Variants in KLHL2 observed in about 807,000 individuals in gnomAD.
The protein encoded by KLHL2 is kelch-like protein 2.
Under a neutral mutation model 75.8 loss-of-function variants are expected in KLHL2, and 15 were observed. The ratio of observed to expected loss-of-function variants is 0.20; its 90% CI spans 0.13 to 0.30. KLHL2 has a LOEUF of 0.30. Ranked by LOEUF, KLHL2 falls within the 10% of genes least tolerant of loss-of-function variation. KLHL2 has a pLI of 1.00. For synonymous variants in KLHL2, 214 were observed against 251.9 expected, an observed-to-expected ratio of 0.85 and a Z score of 1.42; for missense variants, 381 against 741.0, an observed-to-expected ratio of 0.51 and a Z score of 5.64.
chr4:165,322,109 C>T lies in KLHL2; in HGVS notation c.*49C>T. On this transcript the variant is annotated 3_prime_UTR_variant, in exon 15 of 15. Transcript: ENST00000226725. ...TTTATACATGAGAAACAGCCTTCAACAAGTATTTGTGAAGTGACTGAGAAT... is the reference window on the plus strand; with the variant it reads ...TTTATACATGAGAAACAGCCTTCAATAAGTATTTGTGAAGTGACTGAGAAT... 3 of 1,530,780 alleles carry T rather than the reference C, an allele frequency of 2.0e-6. No individual in the cohort carries two copies. The highest frequency in any genetic ancestry group is 2.7e-6 in the Non-Finnish European group (3 of 1,104,326). 94.8% of individuals were successfully genotyped at this position (1,530,780 alleles called of 1,614,324 possible). A position where few individuals can be genotyped will look rare whatever the true frequency, so the allele number is the denominator to read the frequency against.
At chr4:165,228,144 CATCT>C (rs1221743976) in intron 2 of KLHL2, among the ~76,000 whole-genome samples, 1 of 152,252 alleles carries the variant, frequency 6.6e-6, no homozygotes, top group Admixed American at 6.5e-5. Flanking sequence ...GTGATCCATC[CATCT>C]ACCTTGGCCT....
chr4:165,263,900 G>A lies in KLHL2; in HGVS notation c.544+541G>A, dbSNP rs1395054289. Among the ~76,000 whole-genome samples the A allele has an allele frequency of 2.8e-5, 4 of 143,516 alleles. No homozygotes were observed. In the Admixed American group the frequency reaches 3.0e-4, roughly 11 times the overall value. 94.2% of individuals were successfully genotyped at this position (143,516 alleles called of 152,430 possible). ...GTGAAATATAGATACATTTGGTGGA[G>A]TAGAAAAGTAGACCAATAGAAGCAG... On this transcript the variant is annotated intron_variant, in intron 5 of 14. Transcript: ENST00000226725.
At chr4:165,311,404 A>G (rs951738043) in intron 10 of KLHL2, 60 bp from the exon 11 acceptor site, 2 of 1,182,040 alleles carry the variant, frequency 1.7e-6, no homozygotes, top group Non-Finnish European at 2.5e-6. Context: ...ATTTTTCCAT[A>G]TATATGAACT....
chr4:165,281,919 C>A (rs1743724637), intron 5 of KLHL2, among the ~76,000 whole-genome samples: 1 of 152,152 alleles, frequency 6.6e-6, no homozygotes, highest in Non-Finnish European at 1.5e-5. Context: ...TAGAGATAAG[C>A]AACTGATGAT....
intron 1 of KLHL2, among the ~76,000 whole-genome samples, chr4:165,214,193 G>A (rs574488402): frequency 1.3e-5 from 2 of 151,984 alleles, no homozygotes; most frequent in African/African-American, 4.8e-5. Flanking sequence ...TCGTATTGCC[G>A]CCCCCTTACC....
At chr4:165,317,214 TA>T (rs35042533) in intron 13 of KLHL2, among the ~76,000 whole-genome samples, 1,954 of 143,032 alleles carry the variant, frequency 0.014, 19 homozygotes, top group Middle Eastern at 0.032. Context: ...GACTTTTTAT[TA>T]AAAAAAAAAA....
chr4:165,293,758 C>T (rs1009371955), intron 5 of KLHL2, among the ~76,000 whole-genome samples: 10 of 150,728 alleles, frequency 6.6e-5, no homozygotes, highest in African/African-American at 2.0e-4. Flanking sequence ...CCTTGTGATC[C>T]GCCCGCCTCT....
chr4:165,282,431 TG>T (rs1743763470), intron 5 of KLHL2, among the ~76,000 whole-genome samples: 1 of 152,214 alleles, frequency 6.6e-6, no homozygotes, highest in African/African-American at 2.4e-5. Flanking sequence ...GTATATTCAG[TG>T]GGAACCAATT....
chr4:165,270,752 G>T (rs181395851), intron 5 of KLHL2, among the ~76,000 whole-genome samples: 1 of 152,132 alleles, frequency 6.6e-6, no homozygotes, highest in Non-Finnish European at 1.5e-5. Flanking sequence ...ACTGGGAGGT[G>T]TCTCCCAGTC....
At chr4:165,291,342 C>A (rs1744488806) in intron 5 of KLHL2, among the ~76,000 whole-genome samples, 1 of 152,060 alleles carries the variant, frequency 6.6e-6, no homozygotes, top group Admixed American at 6.5e-5. Context: ...TTAATGAAGT[C>A]CAACTTAACC....
chr4:165,219,740 A>G, intron 1 of KLHL2, 194 bp from the exon 2 acceptor site: 1 of 1,277,926 alleles, frequency 7.8e-7, no homozygotes, highest in Non-Finnish European at 1.0e-6. Context: ...CCCACTTTTT[A>G]ATTGAAACCA....
At chr4:165,280,678 G>A (rs1743595221) in intron 5 of KLHL2, among the ~76,000 whole-genome samples, 1 of 152,214 alleles carries the variant, frequency 6.6e-6, no homozygotes, top group East Asian at 1.9e-4. Context: ...CTCAAATGAT[G>A]CTTCTTAAAA....
chr4:165,321,908 G>T, intron 14 of KLHL2, 124 bp from the exon 15 acceptor site: 1 of 856,334 alleles, frequency 1.2e-6, no homozygotes, highest in Non-Finnish European at 1.9e-6. Context: ...TTAAGAAAGA[G>T]ATTCTGAAAC....
rs986016389 is a variant in KLHL2 at position 165,207,737 on chromosome 4, C to T, written c.-140C>T. 12 of 484,158 alleles carry T rather than the reference C, an allele frequency of 2.5e-5. No homozygotes were observed. The Admixed American group carries it at 2.6e-4, about 11-fold the overall frequency. The allele number at this position is 484,158 out of a possible 1,614,324, so 30.0% of individuals were successfully genotyped here. ...CGGGGGCCGCCGCCGCAGGTGGTGG[C>T]GCGCGGTGAGGAGAGCGCGGCGCCC... On this transcript the variant is annotated 5_prime_UTR_variant, in exon 1 of 15. Coordinates refer to ENST00000226725, the MANE Select transcript of KLHL2 (RefSeq NM_007246.4). This position sits in a 1 kb window ranked among gnomAD's most constrained non-coding sequence, Gnocchi z 4.2.
chr4:165,309,916 T>G lies in KLHL2; in HGVS notation c.1040-637T>G, dbSNP rs72997718. ...CACTAGAAGATCCAAAATTGAAAGC[T>G]ATGGGAGGTGAGTACAGGTTCAAGT... On this transcript the variant is annotated intron_variant, in intron 9 of 14. Coordinates refer to ENST00000226725, the MANE Select transcript of KLHL2 (RefSeq NM_007246.4). Among the ~76,000 whole-genome samples the G allele has an allele frequency of 6.1e-3, 925 of 152,280 alleles. 9 individuals carry two copies. Among genetic ancestry groups the G allele is most frequent in the African/African-American group, 0.021 (893 of 41,552 alleles).
chr4:165,210,163 G>A lies in KLHL2; in HGVS notation c.26+2261G>A, dbSNP rs187042368. On this transcript the variant is annotated intron_variant, in intron 1 of 14. Coordinates refer to ENST00000226725, the MANE Select transcript of KLHL2 (RefSeq NM_007246.4). Reference sequence around the variant, plus strand: ...GCCTTATGGTATGGTTGGAAGCACGGCCCCAGATTCTCTTTGTGTAAGTGT... The same window carrying A: ...GCCTTATGGTATGGTTGGAAGCACGACCCCAGATTCTCTTTGTGTAAGTGT... 1.2e-4 allele frequency: 192 copies of A among 1,551,650 alleles called. No individual in the cohort carries two copies. The East Asian group carries it at 4.4e-3, about 36-fold the overall frequency.
At chr4:165,278,103 T>A in intron 5 of KLHL2, 1 of 1,561,324 alleles carries the variant, frequency 6.4e-7, no homozygotes, top group Non-Finnish European at 8.8e-7. Flanking sequence ...GATTGAGTTG[T>A]AACCCAACCC....
At chr4:165,280,272 A>G (rs1300215145) in intron 5 of KLHL2, among the ~76,000 whole-genome samples, 1 of 152,222 alleles carries the variant, frequency 6.6e-6, no homozygotes, top group Non-Finnish European at 1.5e-5. Flanking sequence ...ATCTAACTTT[A>G]TAGTCCAGTA....
intron 2 of KLHL2, among the ~76,000 whole-genome samples, chr4:165,222,964 A>G (rs1738123359): frequency 6.6e-6 from 1 of 152,234 alleles, no homozygotes; most frequent in Non-Finnish European, 1.5e-5. Flanking sequence ...TGGCTGATGT[A>G]AGGTGTGGTT....
Sources: allele counts gnomAD v4.1 joint callset (sites outside exome capture counted in the v4.1 genomes callset), GRCh38; gene constraint gnomAD v4.1.1; non-coding constraint Gnocchi (gnomAD v3.1); transcripts MANE v1.5; gene names NCBI Gene and HGNC (gene_info 2026-07-23, HGNC 2026-07-21).